ZFHX3: variants seen among roughly 807,000 people sequenced by gnomAD.
ZFHX3 encodes zinc finger homeobox 3.
ZFHX3 carries 42 observed loss-of-function variants against 279.1 expected under a neutral mutation model. That is an observed-to-expected ratio of 0.15 (90% CI 0.12 to 0.19). The LOEUF is 0.19. Ranked by LOEUF, ZFHX3 falls within the 10% of genes least tolerant of loss-of-function variation. The pLI is 1.00. For synonymous variants in ZFHX3, 2,293 were observed against 1,957.8 expected (o/e 1.17, Z -4.52); for missense variants, 4,981 against 4,754.0 (o/e 1.05, Z -1.40).
chr16:73,482,409 G>A (rs2018885167), intron 2 of ZFHX3, among the ~76,000 whole-genome samples: 1 of 152,130 alleles, frequency 6.6e-6, no homozygotes, highest in South Asian at 2.1e-4. Context: ...CACGTGTGAG[G>A]ATCGGCCCTT....
At chr16:72,852,847 A>G (rs936073224) in intron 4 of ZFHX3, among the ~76,000 whole-genome samples, 1 of 152,212 alleles carries the variant, frequency 6.6e-6, no homozygotes, top group African/African-American at 2.4e-5. Flanking sequence ...GGAACAGAAG[A>G]GTCCTCTATT....
intron 4 of ZFHX3, among the ~76,000 whole-genome samples, chr16:73,275,711 C>CTT (rs1567437222): frequency 1.3e-5 from 2 of 152,146 alleles, no homozygotes; most frequent in Admixed American, 6.5e-5. Context: ...ATTTAAAATA[C>CTT]TTTATTGCTA....
chr16:72,992,005 A>G (rs1039207466), intron 1 of ZFHX3, among the ~76,000 whole-genome samples: 1 of 152,232 alleles, frequency 6.6e-6, no homozygotes, highest in Admixed American at 6.5e-5. Flanking sequence ...CAAATAATAC[A>G]GTATAGGCAG....
At chr16:72,966,268 A>G (rs1191129391) in intron 1 of ZFHX3, among the ~76,000 whole-genome samples, 5 of 152,254 alleles carry the variant, frequency 3.3e-5, no homozygotes, top group Non-Finnish European at 2.9e-5. Flanking sequence ...GAGGAAAAAA[A>G]TCTCCATGAG....
chr16:73,333,633 C>T (rs2015849096), intron 3 of ZFHX3, among the ~76,000 whole-genome samples: 2 of 151,802 alleles, frequency 1.3e-5, no homozygotes, highest in Admixed American at 1.3e-4. Context: ...GTGGGGTAGT[C>T]AGAAAGCATT....
Position 72,950,792 on chromosome 16 carries a change from T to C in ZFHX3, c.2893A>G (p.Met965Val), listed in dbSNP as rs762777590. The C allele has an allele frequency of 5.0e-6, 8 of 1,614,102 alleles. No homozygotes were observed. The highest frequency in any genetic ancestry group is 1.6e-4 in the Middle Eastern group (1 of 6,084). The change falls in exon 3 of 10, where the codon ATG (methionine) becomes GTG (valine). Residue 965 changes from methionine to valine, a missense_variant. Met to Val is a conservative substitution (Grantham distance 21). Transcript: ENST00000268489. ...TCCGACAGGCTGCGCTCCACGTTCA[T>C]GTGCAGGCCCAGCATGTCCAGGTTG... ...TDNLDMLGLH[M>V]NVERSLSEDE...
intron 3 of ZFHX3, among the ~76,000 whole-genome samples, chr16:72,933,315 C>T (rs1350673691): frequency 6.6e-6 from 1 of 152,196 alleles, no homozygotes; most frequent in African/African-American, 2.4e-5. Flanking sequence ...CATTACTACT[C>T]TCCCAGAGGA....
chr16:73,172,931 G>GGT (rs1555502617), intron 5 of ZFHX3, among the ~76,000 whole-genome samples: 1 of 97,156 alleles, frequency 1.0e-5, no homozygotes, highest in Non-Finnish European at 1.9e-5. Flanking sequence ...GCTGCCTGTG[G>GGT]TTTTTTTTTT....
At chr16:73,093,952 G>C (rs1211300152) in intron 7 of ZFHX3, among the ~76,000 whole-genome samples, 2 of 152,152 alleles carry the variant, frequency 1.3e-5, no homozygotes, top group Non-Finnish European at 2.9e-5. Flanking sequence ...GGCATGGCAC[G>C]GGTGAGTCCT....
At chr16:73,115,377 CA>C (rs10685277) in intron 7 of ZFHX3, among the ~76,000 whole-genome samples, 2,211 of 80,658 alleles carry the variant, frequency 0.027, 48 homozygotes, top group African/African-American at 0.11. Context: ...CCTATCTCTA[CA>C]AAAAAAAAAA....
chr16:73,143,049 G>A (rs956825818), intron 6 of ZFHX3, among the ~76,000 whole-genome samples: 7 of 152,042 alleles, frequency 4.6e-5, no homozygotes, highest in Non-Finnish European at 1.0e-4. Context: ...TTCTAGGGAG[G>A]GGCCTCAAAT....
intron 3 of ZFHX3, among the ~76,000 whole-genome samples, chr16:73,338,886 T>A (rs547126037): frequency 6.6e-6 from 1 of 152,180 alleles, no homozygotes; most frequent in South Asian, 2.1e-4. Context: ...AGTGGATGAG[T>A]TCTTGCAAGA....
At chr16:72,814,766 A>G (rs887502835) in intron 5 of ZFHX3, among the ~76,000 whole-genome samples, 1 of 152,228 alleles carries the variant, frequency 6.6e-6, no homozygotes, top group Non-Finnish European at 1.5e-5. Flanking sequence ...GCCCTGCTTT[A>G]ACATGAAATG....
At chr16:73,221,372 T>C (rs144280438) in intron 5 of ZFHX3, among the ~76,000 whole-genome samples, 4 of 152,158 alleles carry the variant, frequency 2.6e-5, no homozygotes, top group East Asian at 3.8e-4. Context: ...TTTATTGTTA[T>C]AGATTATTTA....
chr16:73,234,386 AC>A (rs2012878356), intron 5 of ZFHX3, among the ~76,000 whole-genome samples: 1 of 152,172 alleles, frequency 6.6e-6, no homozygotes. Flanking sequence ...CAGCCACTTA[AC>A]TATGTCCCCT....
intron 2 of ZFHX3, among the ~76,000 whole-genome samples, chr16:73,634,229 G>A (rs1413894903): frequency 6.6e-6 from 1 of 151,596 alleles, no homozygotes; most frequent in African/African-American, 2.4e-5. Context: ...TGTTTTACCA[G>A]TGAACTCCAA....
Position 73,601,469 on chromosome 16 carries a change from C to CA in ZFHX3, c.-1547+78710dup, listed in dbSNP as rs67967322. Among the ~76,000 whole-genome samples the CA allele has an allele frequency of 9.4e-3, 1,238 of 131,656 alleles. 14 individuals carry two copies. The highest frequency in any genetic ancestry group is 0.032 in the African/African-American group (1,093 of 33,904). The allele number at this position is 131,656 out of a possible 152,430, so 86.4% of individuals were successfully genotyped here. A position where few individuals can be genotyped will look rare whatever the true frequency, so the allele number is the denominator to read the frequency against. On this transcript the variant is annotated intron_variant, in intron 2 of 17. Coordinates refer to the ZFHX3 transcript ENST00000641206. Reference sequence around the variant, plus strand: ...TGGGCGACAGACTGAGACTCCATCTCAAAAAAAAAAAAAAAAATTGTTTGG... The same window carrying CA: ...TGGGCGACAGACTGAGACTCCATCTCAAAAAAAAAAAAAAAAAATTGTTTGG...
At chr16:73,535,252 A>G (rs1192567205) in intron 2 of ZFHX3, among the ~76,000 whole-genome samples, 5 of 152,230 alleles carry the variant, frequency 3.3e-5, no homozygotes, top group African/African-American at 4.8e-5. Flanking sequence ...AAAATGTATT[A>G]AAATAATTAG....
chr16:73,872,757 T>C, intron 1 of ZFHX3, among the ~76,000 whole-genome samples: 1 of 54,892 alleles, frequency 1.8e-5, no homozygotes, highest in Non-Finnish European at 3.3e-5. Context: ...CGGGGGTTGG[T>C]GGTGGTGGTA....
Sources: allele counts gnomAD v4.1 joint callset (sites outside exome capture counted in the v4.1 genomes callset), GRCh38; gene constraint gnomAD v4.1.1; transcripts MANE v1.5; gene names NCBI Gene and HGNC (gene_info 2026-07-23, HGNC 2026-07-21).